SRSF11: variants seen among roughly 807,000 people sequenced by gnomAD.
SRSF11 encodes serine/arginine-rich splicing factor 11.
SRSF11 carries 9 observed loss-of-function variants against 56.0 expected under a neutral mutation model. The ratio of observed to expected loss-of-function variants is 0.16; its 90% confidence interval spans 0.10 to 0.28. The LOEUF is 0.28. SRSF11 is among the 10% of genes least tolerant of loss of function. SRSF11 has a pLI of 1.00. For missense variants in SRSF11, 421 were observed against 600.7 expected (o/e 0.70, Z 3.13); for synonymous variants, 222 against 215.3 (o/e 1.03, Z -0.27).
At chr1:70,216,058 T>A (rs557321029) in intron 1 of SRSF11, among the ~76,000 whole-genome samples, 65 of 152,252 alleles carry the variant, frequency 4.3e-4, no homozygotes, top group African/African-American at 1.5e-3. Context: ...AGTGATGGGA[T>A]TACAGGCGTG....
intron 2 of SRSF11, chr1:70,230,209 A>T (rs989355866): frequency 6.1e-6 from 6 of 984,354 alleles, no homozygotes; most frequent in Non-Finnish European, 7.2e-6. Context: ...CTATTTTTGG[A>T]AGTGAAGTAT....
chr1:70,209,612 G>A (rs1669355269), intron 1 of SRSF11, among the ~76,000 whole-genome samples: 1 of 151,612 alleles, frequency 6.6e-6, no homozygotes, highest in Non-Finnish European at 1.5e-5. Context: ...TTGTTTGTTT[G>A]TTTTTCCTTT....
At chr1:70,242,889 T>G (rs1445890513) in intron 7 of SRSF11, among the ~76,000 whole-genome samples, 1 of 152,146 alleles carries the variant, frequency 6.6e-6, no homozygotes, top group Admixed American at 6.5e-5. Flanking sequence ...AATACAGTCA[T>G]GAAAAGACTT....
upstream of SRSF11, among the ~76,000 whole-genome samples, chr1:70,218,215 G>A (rs1670199445): frequency 2.6e-5 from 4 of 152,088 alleles, no homozygotes; most frequent in South Asian, 4.1e-4. Context: ...TGATCCGCCC[G>A]CCTTGGCCTC....
At chr1:70,233,367 G>C (rs565567027) in intron 3 of SRSF11, among the ~76,000 whole-genome samples, 2 of 152,054 alleles carry the variant, frequency 1.3e-5, no homozygotes, top group African/African-American at 2.4e-5. Context: ...CCAGCCTCCC[G>C]AATAGCTAGG....
intron 2 of SRSF11, 64 bp from the exon 3 acceptor site, chr1:70,232,200 CTGGG>C: frequency 6.2e-7 from 1 of 1,611,580 alleles, no homozygotes; most frequent in Non-Finnish European, 8.5e-7. Context: ...GAGACATTTT[CTGGG>C]TGTTTTTGTG....
chr1:70,229,440 A>T, intron 2 of SRSF11: 5 of 985,410 alleles, frequency 5.1e-6, no homozygotes, highest in Non-Finnish European at 6.0e-6. Flanking sequence ...AGCCACTGTG[A>T]CAAGAAATTT....
At chr1:70,239,621 G>A in intron 7 of SRSF11, 101 bp downstream of exon 7, 1 of 848,756 alleles carries the variant, frequency 1.2e-6, no homozygotes. Context: ...TGGTTAAAGT[G>A]TTTTAGTAAC....
At chr1:70,231,517 G>A in intron 2 of SRSF11, 1 of 1,061,866 alleles carries the variant, frequency 9.4e-7, no homozygotes, top group Non-Finnish European at 1.1e-6. Flanking sequence ...AGCATTTTTT[G>A]GTATGGTTAG....
intron 1 of SRSF11, among the ~76,000 whole-genome samples, chr1:70,213,817 A>G (rs1412084680): frequency 6.6e-6 from 1 of 152,184 alleles, no homozygotes; most frequent in Non-Finnish European, 1.5e-5. Flanking sequence ...GCTGAAGTTC[A>G]CACAATTATC....
intron 2 of SRSF11, chr1:70,228,809 A>G: frequency 1.8e-6 from 2 of 1,137,256 alleles, no homozygotes; most frequent in East Asian, 5.0e-5. Context: ...CATGTCCCTT[A>G]TTGTAACTCC....
intron 2 of SRSF11, chr1:70,230,593 T>C: frequency 7.8e-7 from 1 of 1,286,936 alleles, no homozygotes; most frequent in Non-Finnish European, 1.0e-6. Context: ...GTAAAAAAAA[T>C]ACTCTTGACG....
At chr1:70,237,714 C>T (rs1006032643) in intron 6 of SRSF11, among the ~76,000 whole-genome samples, 162 bp downstream of exon 6, 4 of 152,134 alleles carry the variant, frequency 2.6e-5, no homozygotes, top group African/African-American at 9.7e-5. Context: ...GGAGACAATT[C>T]TGGTGGTCAC....
chr1:70,244,399 GTAT>G (rs1201933414), intron 7 of SRSF11, among the ~76,000 whole-genome samples: 1 of 152,086 alleles, frequency 6.6e-6, no homozygotes, highest in Non-Finnish European at 1.5e-5. Flanking sequence ...TGATCTAGTA[GTAT>G]TTTTAACCTT....
At chr1:70,249,896 G>A in intron 9 of SRSF11, 56 bp from the exon 10 acceptor site, 1 of 1,547,392 alleles carries the variant, frequency 6.5e-7, no homozygotes. Context: ...TGATGTGTCT[G>A]CATTTTTAAG....
rs560532152 is a variant in SRSF11 at position 70,237,196 on chromosome 1, A to G, written c.591-229A>G. 3.0e-4 allele frequency among the ~76,000 whole-genome samples: 46 copies of G among 152,328 alleles called. No homozygotes were observed. The East Asian group carries it at 6.6e-3, about 22-fold the overall frequency. On this transcript the variant is annotated intron_variant, in intron 5 of 11. Transcript: ENST00000370949. The stretch of plus-strand genomic sequence containing the variant: ...GGAAAGTTAATGGATGTTCAGCAAA[A>G]TAGGTATTTTTCTAATTCCAGATGA...
chr1:70,229,124 T>A (rs1356577038), intron 2 of SRSF11: 1 of 1,234,462 alleles, frequency 8.1e-7, no homozygotes, highest in African/African-American at 1.6e-5. Context: ...TTATGCCAGA[T>A]TTTCTTGTTC....
At chr1:70,212,373 C>T (rs1358510430) in intron 1 of SRSF11, among the ~76,000 whole-genome samples, 2 of 152,260 alleles carry the variant, frequency 1.3e-5, no homozygotes, top group East Asian at 3.9e-4. Flanking sequence ...TCTCCTCCCT[C>T]AGCCTCCCCA....
chr1:70,225,012 A>ATACT lies in SRSF11; in HGVS notation c.203+3174_203+3177dup, dbSNP rs535895436. ...TAGGTATTTTTTGTATGCCCAAGCCATACTGCCAATGTCAGAACTAGAACT... is the reference window on the plus strand; with the variant it reads ...TAGGTATTTTTTGTATGCCCAAGCCATACTTACTGCCAATGTCAGAACTAGAACT... On this transcript the variant is annotated intron_variant, in intron 1 of 11. Transcript: ENST00000370949. 1.7e-3 allele frequency among the ~76,000 whole-genome samples: 261 copies of ATACT among 152,360 alleles called. 1 individual carries two copies. The highest frequency in any genetic ancestry group is 0.013 in the South Asian group (62 of 4,830).
Sources: allele counts gnomAD v4.1 joint callset (sites outside exome capture counted in the v4.1 genomes callset), GRCh38; gene constraint gnomAD v4.1.1; transcripts MANE v1.5; gene names NCBI Gene and HGNC (gene_info 2026-07-23, HGNC 2026-07-21).